The following CSMD1 variants were observed in gnomAD, a reference collection of about 807,000 sequenced individuals.
CSMD1 encodes the protein CUB and sushi domain-containing protein 1.
CSMD1 carries 213 observed loss-of-function variants against 417.5 expected under a neutral mutation model. That is an observed-to-expected ratio of 0.51 (90% CI 0.46 to 0.57). CSMD1 has a LOEUF of 0.57. Ranked by LOEUF, CSMD1 falls within the 20% of genes least tolerant of loss-of-function variation. The pLI, the probability that CSMD1 is intolerant of heterozygous loss-of-function variation, is 0.00. For synonymous variants in CSMD1, 2,862 were observed against 1,736.8 expected (o/e 1.65, Z -16.11); for missense variants, 6,923 against 4,529.7 (o/e 1.53, Z -15.17).
chr8:4,554,486 T>A (rs1191771943), intron 2 of CSMD1, among the ~76,000 whole-genome samples: 3 of 152,174 alleles, frequency 2.0e-5, no homozygotes, highest in Non-Finnish European at 4.4e-5. Context: ...AATTTGAGAA[T>A]CTGGAACAAA....
chr8:4,969,539 G>A (rs1041922493), intron 1 of CSMD1, among the ~76,000 whole-genome samples: 12 of 151,472 alleles, frequency 7.9e-5, no homozygotes, highest in Non-Finnish European at 1.0e-4. Flanking sequence ...CCAGTGTCTA[G>A]GAAATAATAT....
intron 37 of CSMD1, among the ~76,000 whole-genome samples, chr8:3,175,429 C>T (rs1820850688): frequency 6.6e-6 from 1 of 151,026 alleles, no homozygotes; most frequent in South Asian, 2.1e-4. Flanking sequence ...TCCTTTCTTT[C>T]ATCCCTCCCT....
chr8:4,714,236 C>T (rs1808501131), intron 1 of CSMD1, among the ~76,000 whole-genome samples: 2 of 152,296 alleles, frequency 1.3e-5, no homozygotes, highest in Non-Finnish European at 2.9e-5. Context: ...ATTCCGCCAC[C>T]TCCCTGAGAG....
intron 42 of CSMD1, among the ~76,000 whole-genome samples, chr8:3,117,642 T>C (rs1034646905): frequency 3.3e-5 from 5 of 152,192 alleles, no homozygotes; most frequent in African/African-American, 4.8e-5. Flanking sequence ...TTTAATTAGA[T>C]ATTGAAAAAA....
chr8:3,360,656 T>G (rs1486341395), intron 20 of CSMD1, among the ~76,000 whole-genome samples: 1 of 152,220 alleles, frequency 6.6e-6, no homozygotes, highest in Non-Finnish European at 1.5e-5. Flanking sequence ...ATTGGGACAA[T>G]GAAGATCACT....
intron 4 of CSMD1, among the ~76,000 whole-genome samples, chr8:4,007,499 C>T (rs186694018): frequency 3.7e-4 from 57 of 152,242 alleles, no homozygotes; most frequent in Non-Finnish European, 1.3e-4. Context: ...CCCGCCCTCT[C>T]TGGCCACCAT....
chr8:4,704,672 A>G (rs1184364837), intron 1 of CSMD1, among the ~76,000 whole-genome samples: 3 of 152,116 alleles, frequency 2.0e-5, no homozygotes, highest in Non-Finnish European at 4.4e-5. Flanking sequence ...AAGAAAACCA[A>G]TTTTTCCAAA....
chr8:3,251,448 G>C (rs959247712), intron 26 of CSMD1, among the ~76,000 whole-genome samples: 1 of 152,182 alleles, frequency 6.6e-6, no homozygotes, highest in Non-Finnish European at 1.5e-5. Flanking sequence ...CCAGTATCAT[G>C]CTGTTTTGGT....
chr8:4,390,255 A>G (rs1267082419), intron 3 of CSMD1, among the ~76,000 whole-genome samples: 1 of 152,078 alleles, frequency 6.6e-6, no homozygotes, highest in South Asian at 2.1e-4. Flanking sequence ...GAAAAAGAAA[A>G]ACCAACTACT....
At chr8:3,404,120 G>C (rs151268988) in intron 15 of CSMD1, among the ~76,000 whole-genome samples, 67 of 152,230 alleles carry the variant, frequency 4.4e-4, no homozygotes, top group African/African-American at 1.4e-3. Flanking sequence ...TCTCCTCTGA[G>C]GTCAGGAGTT....
chr8:3,285,131 T>C (rs1476192146), intron 25 of CSMD1, among the ~76,000 whole-genome samples: 1 of 152,148 alleles, frequency 6.6e-6, no homozygotes, highest in Non-Finnish European at 1.5e-5. Flanking sequence ...TACAGTTTTT[T>C]ATTTCCTGCG....
chr8:4,750,806 T>A (rs1046922321), intron 1 of CSMD1, among the ~76,000 whole-genome samples: 1 of 152,192 alleles, frequency 6.6e-6, no homozygotes, highest in Admixed American at 6.5e-5. Context: ...GTTGCTTTTT[T>A]ATGCTTGTTT....
At chr8:3,720,654 C>CACACAT (rs1166821267) in intron 6 of CSMD1, among the ~76,000 whole-genome samples, 1 of 151,950 alleles carries the variant, frequency 6.6e-6, no homozygotes, top group African/African-American at 2.4e-5. Flanking sequence ...CACACACACA[C>CACACAT]ACCAGCACAT....
intron 4 of CSMD1, among the ~76,000 whole-genome samples, chr8:4,005,614 T>C (rs1481809872): frequency 6.6e-6 from 1 of 152,230 alleles, no homozygotes; most frequent in Non-Finnish European, 1.5e-5. Context: ...AGTCATAAAT[T>C]CACTCTCAAT....
chr8:4,742,750 G>C (rs779845877), intron 1 of CSMD1, among the ~76,000 whole-genome samples: 30 of 152,130 alleles, frequency 2.0e-4, no homozygotes, highest in Non-Finnish European at 3.4e-4. Flanking sequence ...AAAAACAAAT[G>C]TATGGTCTAT....
intron 4 of CSMD1, among the ~76,000 whole-genome samples, chr8:4,019,193 T>G (rs1199613566): frequency 6.6e-6 from 1 of 152,194 alleles, no homozygotes; most frequent in Admixed American, 6.5e-5. Context: ...AAGACAGGTT[T>G]ATTATGGACA....
chr8:4,813,653 T>C (rs1326976250), intron 1 of CSMD1, among the ~76,000 whole-genome samples: 1 of 152,202 alleles, frequency 6.6e-6, no homozygotes, highest in African/African-American at 2.4e-5. Flanking sequence ...AACATCAATT[T>C]ACACGTTGCA....
At chr8:4,622,127 C>T (rs183021203) in intron 2 of CSMD1, among the ~76,000 whole-genome samples, 83 of 136,680 alleles carry the variant, frequency 6.1e-4, no homozygotes, top group African/African-American at 2.3e-3. Flanking sequence ...GTATGAAGAA[C>T]GATTAATTTA....
intron 1 of CSMD1, among the ~76,000 whole-genome samples, chr8:4,860,822 T>A (rs930697056): frequency 7.9e-5 from 12 of 152,118 alleles, no homozygotes; most frequent in Admixed American, 1.3e-4. Flanking sequence ...ATTTGCAGTG[T>A]CCCCAACACA....
Sources: gnomAD v4.1 joint callset for allele counts (sites outside exome capture counted in the v4.1 genomes callset) on GRCh38, gnomAD v4.1.1 for gene constraint, MANE v1.5 for transcripts, NCBI Gene and HGNC (gene_info 2026-07-23, HGNC 2026-07-21) for gene names.